The following NYAP2 variants were observed in gnomAD, a reference collection of about 807,000 sequenced individuals.
NYAP2 encodes neuronal tyrosine-phosphorylated phosphoinositide-3-kinase adapter 2.
A neutral mutation model predicts 50.4 loss-of-function variants in NYAP2; 23 were observed. That is an observed-to-expected ratio of 0.46 (90% CI 0.33 to 0.65). NYAP2 has a LOEUF of 0.65. Among genes scored for constraint, NYAP2 ranks in the 30% least tolerant of loss-of-function variants. The pLI is 0.02. For synonymous variants in NYAP2, 394 were observed against 365.2 expected (o/e 1.08, Z -0.90); for missense variants, 885 against 861.0 (o/e 1.03, Z -0.35).
intron 3 of NYAP2, among the ~76,000 whole-genome samples, chr2:225,477,231 C>CTTTTTTTTTTTTTTTTTTTT (rs11378712): frequency 2.3e-5 from 2 of 87,470 alleles, no homozygotes; most frequent in Admixed American, 1.7e-4. Context: ...GTCTCTATTT[C>CTTTTTTTTTTTTTTTTTTTT]TTTTTTTTTT....
chr2:225,636,420 G>A (rs936070), intron 6 of NYAP2, among the ~76,000 whole-genome samples: 75,976 of 151,030 alleles, frequency 0.5, 19,991 homozygotes, highest in Admixed American at 0.65. Flanking sequence ...GGATGCCAAG[G>A]TTTCTCCTAA....
At chr2:225,531,995 T>G (rs992956593) in intron 4 of NYAP2, among the ~76,000 whole-genome samples, 2 of 152,242 alleles carry the variant, frequency 1.3e-5, no homozygotes, top group African/African-American at 4.8e-5. Flanking sequence ...AATCAAAGAA[T>G]GTTCAGCTTG....
chr2:225,576,342 T>A (rs755417411), intron 4 of NYAP2, among the ~76,000 whole-genome samples: 2 of 152,196 alleles, frequency 1.3e-5, no homozygotes, highest in African/African-American at 4.8e-5. Context: ...TTTTTGTACA[T>A]GATTACACTT....
intron 3 of NYAP2, among the ~76,000 whole-genome samples, chr2:225,512,395 T>A (rs938864441): frequency 2.6e-5 from 4 of 152,218 alleles, no homozygotes; most frequent in African/African-American, 9.6e-5. Flanking sequence ...GTTTCTAATG[T>A]AACTGAAGAT....
At chr2:225,494,412 T>G (rs556722849) in intron 3 of NYAP2, among the ~76,000 whole-genome samples, 14 of 152,222 alleles carry the variant, frequency 9.2e-5, no homozygotes, top group Non-Finnish European at 1.6e-4. Flanking sequence ...GTGTTTTCAG[T>G]CACATCCAGT....
chr2:225,626,649 T>C (rs1435394340), intron 5 of NYAP2, among the ~76,000 whole-genome samples: 1 of 152,124 alleles, frequency 6.6e-6, no homozygotes, highest in Non-Finnish European at 1.5e-5. Flanking sequence ...TACTCAGAGA[T>C]GAGCCCAAGG....
chr2:225,596,635 T>C (rs960753480), intron 5 of NYAP2, among the ~76,000 whole-genome samples: 2 of 152,186 alleles, frequency 1.3e-5, no homozygotes, highest in African/African-American at 2.4e-5. Flanking sequence ...AATAGCACCA[T>C]CCAATAGAAT....
chr2:225,539,878 A>G (rs953945351), intron 4 of NYAP2, among the ~76,000 whole-genome samples: 1 of 152,208 alleles, frequency 6.6e-6, no homozygotes, highest in Non-Finnish European at 1.5e-5. Flanking sequence ...CTTTTAACAG[A>G]ACCCAAGTCA....
intron 4 of NYAP2, among the ~76,000 whole-genome samples, chr2:225,568,859 T>C (rs1692008921): frequency 6.6e-6 from 1 of 152,122 alleles, no homozygotes; most frequent in South Asian, 2.1e-4. Flanking sequence ...GTATAGGAGA[T>C]ATAGAGGTTG....
chr2:225,415,081 AC>A (rs1695102252), intron 3 of NYAP2, among the ~76,000 whole-genome samples: 1 of 151,892 alleles, frequency 6.6e-6, no homozygotes, highest in Non-Finnish European at 1.5e-5. Flanking sequence ...ACAAAGGACT[AC>A]TTAGGCTGAT....
chr2:225,431,799 G>C (rs951025531), intron 3 of NYAP2, among the ~76,000 whole-genome samples: 1 of 152,142 alleles, frequency 6.6e-6, no homozygotes, highest in Non-Finnish European at 1.5e-5. Flanking sequence ...CATCTACTGT[G>C]AACACAGAAA....
chr2:225,602,082 T>C (rs1692701693), intron 5 of NYAP2, among the ~76,000 whole-genome samples: 1 of 152,178 alleles, frequency 6.6e-6, no homozygotes, highest in Admixed American at 6.5e-5. Context: ...GAAAGCTCTC[T>C]GCAGTGAAGA....
intron 5 of NYAP2, among the ~76,000 whole-genome samples, chr2:225,585,914 G>A (rs1383419953): frequency 6.6e-6 from 1 of 152,124 alleles, no homozygotes; most frequent in East Asian, 1.9e-4. Flanking sequence ...TCCCAGACAG[G>A]TTTTGTGGAC....
chr2:225,522,411 G>A (rs1254135537), intron 4 of NYAP2, among the ~76,000 whole-genome samples: 1 of 151,982 alleles, frequency 6.6e-6, no homozygotes, highest in Non-Finnish European at 1.5e-5. Flanking sequence ...TCATGTCTTT[G>A]GAAGCAAAAA....
At chr2:225,433,446 G>A (rs1280534145) in intron 3 of NYAP2, among the ~76,000 whole-genome samples, 2 of 151,538 alleles carry the variant, frequency 1.3e-5, no homozygotes, top group African/African-American at 2.4e-5. Context: ...TATATTTGCC[G>A]AAAAAATTTA....
chr2:225,427,433 A>T (rs1193759727), intron 3 of NYAP2, among the ~76,000 whole-genome samples: 1 of 152,182 alleles, frequency 6.6e-6, no homozygotes, highest in Non-Finnish European at 1.5e-5. Flanking sequence ...GATTGTAGTG[A>T]GGACTAAATA....
At chr2:225,569,849 A>G (rs1692035745) in intron 4 of NYAP2, among the ~76,000 whole-genome samples, 1 of 152,186 alleles carries the variant, frequency 6.6e-6, no homozygotes, top group Admixed American at 6.5e-5. Context: ...ATGGAACCTA[A>G]TATTTTAGCA....
chr2:225,584,429 C>G (rs1245614383), intron 5 of NYAP2, among the ~76,000 whole-genome samples: 1 of 152,178 alleles, frequency 6.6e-6, no homozygotes, highest in African/African-American at 2.4e-5. Context: ...AAAGTCAAAA[C>G]AGACCCAGAT....
Position 225,617,209 on chromosome 2 carries a change from T to C in NYAP2, c.1619-9708T>C, listed in dbSNP as rs7568644. Among the ~76,000 whole-genome samples, 736 of 152,186 alleles carry C rather than the reference T, an allele frequency of 4.8e-3. 9 individuals carry two copies. Among genetic ancestry groups the C allele is most frequent in the African/African-American group, 0.017 (708 of 41,504 alleles). On this transcript the variant is annotated intron_variant, in intron 5 of 6. Coordinates refer to ENST00000636099, the Ensembl canonical transcript of NYAP2. ...TGGGTGGCCAAGGCAGGTAGATCTCTTGAGGTCAGGAGTTTGAGACCAGCC... is the reference window on the plus strand; with the variant it reads ...TGGGTGGCCAAGGCAGGTAGATCTCCTGAGGTCAGGAGTTTGAGACCAGCC...
Sources: gnomAD v4.1 joint callset for allele counts (sites outside exome capture counted in the v4.1 genomes callset) on GRCh38, gnomAD v4.1.1 for gene constraint, MANE v1.5 for transcripts, NCBI Gene and HGNC (gene_info 2026-07-23, HGNC 2026-07-21) for gene names.